Variants in GRID2 observed in about 807,000 individuals in gnomAD.
GRID2 encodes glutamate ionotropic receptor delta type subunit 2.
In GRID2, 33 loss-of-function variants were observed where a neutral mutation model predicts 114.8. That is an observed-to-expected ratio of 0.29 (90% CI 0.22 to 0.38). The LOEUF (loss-of-function observed/expected upper bound fraction) is 0.38. GRID2 is among the 10% of genes least tolerant of loss of function. The pLI is 1.00. For missense variants in GRID2, 1,184 were observed against 1,257.7 expected, an observed-to-expected ratio of 0.94 and a Z score of 0.89; for synonymous variants, 505 against 449.9, an observed-to-expected ratio of 1.12 and a Z score of -1.55.
Position 92,965,450 on chromosome 4 carries a change from T to TAAAAAAAAAAAAAAAAAAAAAA in GRID2, c.245-119527_245-119506dup, listed in dbSNP as rs869285420. Among the ~76,000 whole-genome samples the TAAAAAAAAAAAAAAAAAAAAAA allele has an allele frequency of 1.2e-4, 10 of 85,778 alleles. 1 individual carries two copies. Among genetic ancestry groups the TAAAAAAAAAAAAAAAAAAAAAA allele is most frequent in the Non-Finnish European group, 1.9e-4 (8 of 41,818 alleles). 56.3% of individuals were successfully genotyped at this position (85,778 alleles called of 152,430 possible). A position where few individuals can be genotyped will look rare whatever the true frequency, so the allele number is the denominator to read the frequency against. The stretch of plus-strand genomic sequence containing the variant: ...AGGGTTGCCATAAACATTCAATTTG[T>TAAAAAAAAAAAAAAAAAAAAAA]AAAAAAAAAAAAAAAAAAAAAAAAA... On this transcript the variant is annotated intron_variant, in intron 2 of 15. Coordinates refer to ENST00000282020, the MANE Select transcript of GRID2 (RefSeq NM_001510.4).
chr4:92,675,847 C>G (rs1051685194), intron 2 of GRID2, among the ~76,000 whole-genome samples: 4 of 152,084 alleles, frequency 2.6e-5, no homozygotes, highest in Non-Finnish European at 5.9e-5. Flanking sequence ...AGCTACCACG[C>G]CTGGCCTGAG....
At position 92,316,525 on chromosome 4, in the gene GRID2, G is replaced by A. The variant is rs6820864; in HGVS notation, c.88+11781G>A. ...ATGAAACCATAACGTGACATTTTTGGGTGTGTCACCAGATTTTTTTTACAC... is the reference window on the plus strand; with the variant it reads ...ATGAAACCATAACGTGACATTTTTGAGTGTGTCACCAGATTTTTTTTACAC... On this transcript the variant is annotated intron_variant, in intron 1 of 15. Coordinates refer to ENST00000282020, the MANE Select transcript of GRID2 (RefSeq NM_001510.4). 7.0e-4 allele frequency among the ~76,000 whole-genome samples: 106 copies of A among 152,064 alleles called. 2 individuals carry two copies. Among genetic ancestry groups the A allele is most frequent in the African/African-American group, 2.5e-3 (102 of 41,462 alleles).
chr4:93,598,814 G>C (rs1171729300), intron 13 of GRID2, among the ~76,000 whole-genome samples: 1 of 152,054 alleles, frequency 6.6e-6, no homozygotes, highest in Non-Finnish European at 1.5e-5. Context: ...ACAAAATAAT[G>C]CAAATTTGTG....
intron 5 of GRID2, among the ~76,000 whole-genome samples, chr4:93,213,082 GGTTTTGTTGTT>G (rs1743752648): frequency 6.6e-6 from 1 of 151,868 alleles, no homozygotes. Context: ...CAGTTTGGGG[GGTTTTGTTGTT>G]GTTTTGAGAT....
At chr4:92,684,663 C>G (rs543364280) in intron 2 of GRID2, among the ~76,000 whole-genome samples, 1 of 152,014 alleles carries the variant, frequency 6.6e-6, no homozygotes, top group African/African-American at 2.4e-5. Context: ...CAGGATTTAA[C>G]TACTAATGTC....
At chr4:92,509,643 A>T (rs1016204981) in intron 1 of GRID2, among the ~76,000 whole-genome samples, 3 of 151,972 alleles carry the variant, frequency 2.0e-5, no homozygotes, top group Non-Finnish European at 4.4e-5. Flanking sequence ...AAGGACATTG[A>T]GGTAGAGTAG....
chr4:92,713,513 ATATATT>A (rs1240359102), intron 2 of GRID2, among the ~76,000 whole-genome samples: 4 of 127,984 alleles, frequency 3.1e-5, no homozygotes, highest in East Asian at 2.2e-4. Flanking sequence ...ATATATATAT[ATATATT>A]ACCAAAATTA....
At chr4:92,936,046 TAAA>T (rs913756513) in intron 2 of GRID2, among the ~76,000 whole-genome samples, 1 of 144,438 alleles carries the variant, frequency 6.9e-6, no homozygotes, top group Admixed American at 7.6e-5. Flanking sequence ...AATAATAAAA[TAAA>T]AAAAAGAAAT....
At chr4:92,900,144 G>C (rs1747464626) in intron 2 of GRID2, among the ~76,000 whole-genome samples, 2 of 152,084 alleles carry the variant, frequency 1.3e-5, no homozygotes, top group South Asian at 2.1e-4. Context: ...TTCTTATTTA[G>C]GTGTGAAAAC....
chr4:92,702,025 A>T (rs1271768035), intron 2 of GRID2, among the ~76,000 whole-genome samples: 2 of 152,164 alleles, frequency 1.3e-5, no homozygotes, highest in African/African-American at 4.8e-5. Context: ...TACAACCTCG[A>T]TGTTGGATCA....
chr4:92,977,157 C>T (rs571901447), intron 2 of GRID2, among the ~76,000 whole-genome samples: 13 of 152,118 alleles, frequency 8.5e-5, no homozygotes, highest in South Asian at 2.1e-4. Context: ...AAGATAATTA[C>T]GTATTAAAAT....
chr4:93,329,967 C>G (rs879422689), intron 8 of GRID2, among the ~76,000 whole-genome samples: 1 of 151,792 alleles, frequency 6.6e-6, no homozygotes. Context: ...AATCTGATTA[C>G]ATCTCCAGGG....
chr4:92,926,461 TAATA>T (rs1749815967), intron 2 of GRID2, among the ~76,000 whole-genome samples: 1 of 152,006 alleles, frequency 6.6e-6, no homozygotes, highest in African/African-American at 2.4e-5. Flanking sequence ...TCTGTTGCTA[TAATA>T]AATTTCACAT....
At chr4:92,789,137 GCTTGAGAAAC>G (rs1264678433) in intron 2 of GRID2, among the ~76,000 whole-genome samples, 3 of 151,684 alleles carry the variant, frequency 2.0e-5, no homozygotes, top group Admixed American at 6.6e-5. Context: ...AGTTTCTGTT[GCTTGAGAAAC>G]CTTGAGAAAC....
intron 2 of GRID2, among the ~76,000 whole-genome samples, chr4:92,749,833 T>C (rs1004632408): frequency 6.6e-6 from 1 of 151,948 alleles, no homozygotes; most frequent in Non-Finnish European, 1.5e-5. Context: ...CTTACAGACA[T>C]CTCCAGGCAC....
chr4:93,362,674 T>TC (rs1761985522), intron 8 of GRID2, among the ~76,000 whole-genome samples: 1 of 152,000 alleles, frequency 6.6e-6, no homozygotes, highest in African/African-American at 2.4e-5. Context: ...CAGAAATTGC[T>TC]CCTCTTCTCA....
chr4:93,018,806 A>G (rs1055558968), intron 2 of GRID2, among the ~76,000 whole-genome samples: 2 of 152,142 alleles, frequency 1.3e-5, no homozygotes, highest in African/African-American at 4.8e-5. Flanking sequence ...GTGGTATCAT[A>G]TCAATGAAAA....
chr4:93,626,346 C>T lies in GRID2; in HGVS notation c.2271C>T (p.Ser757=). The change falls in exon 14 of 16, where the codon TCC becomes TCT. Residue 757 remains serine (S), a synonymous_variant. Coordinates refer to ENST00000282020, the MANE Select transcript of GRID2 (RefSeq NM_001510.4). ...EYVAINDPDC[S]FYTIGNTVAD... Reference sequence around the variant, plus strand: ...TGGCTATCAATGACCCAGATTGTTCCTTTTACACCATTGGAAATACTGTTG... The same window carrying T: ...TGGCTATCAATGACCCAGATTGTTCTTTTTACACCATTGGAAATACTGTTG... 1 of 1,604,572 alleles carries T rather than the reference C, an allele frequency of 6.2e-7. No homozygotes were observed. Among genetic ancestry groups the T allele is most frequent in the South Asian group, 1.1e-5 (1 of 90,806 alleles).
At chr4:92,662,726 A>C (rs1732581869) in intron 2 of GRID2, among the ~76,000 whole-genome samples, 1 of 151,254 alleles carries the variant, frequency 6.6e-6, no homozygotes, top group Non-Finnish European at 1.5e-5. Context: ...ATTATCTGGA[A>C]CATATATTCC....
Sources: allele counts gnomAD v4.1 joint callset (sites outside exome capture counted in the v4.1 genomes callset), GRCh38; gene constraint gnomAD v4.1.1; transcripts MANE v1.5; gene names NCBI Gene and HGNC (gene_info 2026-07-23, HGNC 2026-07-21).